The following PRKG1 variants were observed in gnomAD, a reference collection of about 807,000 sequenced individuals.
PRKG1 encodes the protein cGMP-dependent protein kinase 1.
Under a neutral mutation model 88.1 loss-of-function variants are expected in PRKG1, and 35 were observed. The ratio of observed to expected loss-of-function variants is 0.40; its 90% CI spans 0.30 to 0.53. The LOEUF is 0.53. PRKG1 is among the 20% of genes least tolerant of loss of function. The pLI, the probability that PRKG1 is intolerant of heterozygous loss-of-function variation, is 0.59. For missense variants in PRKG1, 540 were observed against 839.8 expected (o/e 0.64, Z 4.41); for synonymous variants, 303 against 292.5 (o/e 1.04, Z -0.37).
At chr10:51,097,698 A>T (rs897824490) in intron 1 of PRKG1, among the ~76,000 whole-genome samples, 7 of 152,086 alleles carry the variant, frequency 4.6e-5, no homozygotes, top group Admixed American at 2.6e-4. Flanking sequence ...CCTCCTTCAG[A>T]GCAGCTCATC....
intron 1 of PRKG1, among the ~76,000 whole-genome samples, chr10:51,141,942 G>A (rs1845830742): frequency 6.6e-6 from 1 of 152,062 alleles, no homozygotes; most frequent in African/African-American, 2.4e-5. Flanking sequence ...TACGAAATCT[G>A]CCATTTTGCA....
At chr10:51,238,779 A>G (rs2132121334) in intron 2 of PRKG1, among the ~76,000 whole-genome samples, 1 of 151,308 alleles carries the variant, frequency 6.6e-6, no homozygotes, top group African/African-American at 2.4e-5. Flanking sequence ...AAAAAAAAGT[A>G]TTTTTCATAC....
At chr10:51,545,530 A>G (rs1232223314) in intron 3 of PRKG1, among the ~76,000 whole-genome samples, 2 of 152,142 alleles carry the variant, frequency 1.3e-5, no homozygotes, top group Non-Finnish European at 2.9e-5. Flanking sequence ...GACAATTTCT[A>G]TCTCTTAGAG....
chr10:51,482,625 G>T (rs1840395708), intron 3 of PRKG1, among the ~76,000 whole-genome samples: 1 of 152,118 alleles, frequency 6.6e-6, no homozygotes, highest in Non-Finnish European at 1.5e-5. Context: ...TTCTAAAGAG[G>T]TTTCTGTTTA....
At chr10:51,975,326 G>T (rs887103399) in intron 5 of PRKG1, among the ~76,000 whole-genome samples, 3 of 151,942 alleles carry the variant, frequency 2.0e-5, no homozygotes, top group African/African-American at 7.2e-5. Flanking sequence ...GCCTTCGCAT[G>T]GTCCATTATG....
chr10:51,946,061 G>C (rs1414801912), intron 5 of PRKG1, among the ~76,000 whole-genome samples: 2 of 152,006 alleles, frequency 1.3e-5, no homozygotes, highest in East Asian at 1.9e-4. Flanking sequence ...TTTCCAACTT[G>C]GTTCCATTCT....
At chr10:52,116,576 C>T (rs1024546931) in intron 7 of PRKG1, among the ~76,000 whole-genome samples, 2 of 151,956 alleles carry the variant, frequency 1.3e-5, no homozygotes, top group Non-Finnish European at 2.9e-5. Context: ...GTCTTACTCA[C>T]TGTGAAGAGA....
intron 5 of PRKG1, among the ~76,000 whole-genome samples, chr10:51,929,371 G>A (rs1184096771): frequency 9.8e-5 from 10 of 102,214 alleles, no homozygotes; most frequent in African/African-American, 3.0e-4. Flanking sequence ...TTTTTTTTGA[G>A]ACCAAGTCTC....
At chr10:52,229,872 C>G (rs560849011) in intron 9 of PRKG1, among the ~76,000 whole-genome samples, 20 of 152,040 alleles carry the variant, frequency 1.3e-4, no homozygotes, top group African/African-American at 2.4e-4. Flanking sequence ...AAAAAGGGAG[C>G]CTTCACCTAC....
intron 10 of PRKG1, among the ~76,000 whole-genome samples, chr10:52,269,184 G>A (rs1841653663): frequency 6.6e-6 from 1 of 152,058 alleles, no homozygotes; most frequent in African/African-American, 2.4e-5. Flanking sequence ...ACTCTGAAGA[G>A]GGAATATGAC....
intron 2 of PRKG1, among the ~76,000 whole-genome samples, chr10:51,293,628 C>T (rs920618068): frequency 2.0e-5 from 3 of 152,142 alleles, no homozygotes; most frequent in Non-Finnish European, 2.9e-5. Context: ...CATCCACTGA[C>T]AGACATTTAG....
At chr10:51,078,094 A>G (rs1844008173) in intron 1 of PRKG1, among the ~76,000 whole-genome samples, 1 of 152,174 alleles carries the variant, frequency 6.6e-6, no homozygotes, top group Admixed American at 6.5e-5. Flanking sequence ...TTCCATTTTC[A>G]TGTCACAGGG....
intron 3 of PRKG1, among the ~76,000 whole-genome samples, chr10:51,605,198 G>A (rs1838730429): frequency 6.6e-6 from 1 of 152,202 alleles, no homozygotes; most frequent in Non-Finnish European, 1.5e-5. Context: ...CCAGCTGCTT[G>A]TGTCTGTGTC....
intron 3 of PRKG1, among the ~76,000 whole-genome samples, chr10:51,571,852 C>T (rs1052479570): frequency 6.6e-6 from 1 of 151,746 alleles, no homozygotes; most frequent in Non-Finnish European, 1.5e-5. Context: ...GGAGAATTCA[C>T]CTTTCTGAGA....
intron 9 of PRKG1, among the ~76,000 whole-genome samples, chr10:52,181,794 TG>T (rs1304466333): frequency 1.6e-5 from 1 of 61,344 alleles, no homozygotes; most frequent in East Asian, 5.2e-4. Flanking sequence ...TAGTATTCCA[TG>T]GTGTATATGT....
chr10:51,189,474 G>A (rs1837577859), intron 2 of PRKG1, among the ~76,000 whole-genome samples: 1 of 151,782 alleles, frequency 6.6e-6, no homozygotes, highest in East Asian at 1.9e-4. Context: ...AAATAAGGTG[G>A]TGGAGAATAA....
intron 8 of PRKG1, among the ~76,000 whole-genome samples, chr10:52,135,036 C>G (rs912867821): frequency 1.5e-4 from 23 of 152,062 alleles, no homozygotes; most frequent in African/African-American, 5.3e-4. Context: ...TTCAAAGGAG[C>G]AGCACAGATG....
intron 2 of PRKG1, among the ~76,000 whole-genome samples, chr10:51,385,553 C>G (rs182972223): frequency 8.5e-5 from 13 of 152,226 alleles, no homozygotes; most frequent in African/African-American, 3.1e-4. Context: ...ACAGAGGGCA[C>G]ATGTGAATAT....
chr10:51,118,471 A>G (rs186751370), intron 1 of PRKG1, among the ~76,000 whole-genome samples: 190 of 152,224 alleles, frequency 1.2e-3, no homozygotes, highest in Non-Finnish European at 4.9e-4. Context: ...AATTCTTAAG[A>G]AACCATTAAA....
Sources: allele counts gnomAD v4.1 joint callset (sites outside exome capture counted in the v4.1 genomes callset), GRCh38; gene constraint gnomAD v4.1.1; transcripts MANE v1.5; gene names NCBI Gene and HGNC (gene_info 2026-07-23, HGNC 2026-07-21).